SOX6: variants seen among roughly 807,000 people sequenced by gnomAD.
SOX6 encodes the protein SRY-box transcription factor 6.
Under a neutral mutation model 97.8 loss-of-function variants are expected in SOX6, and 11 were observed. That is an observed-to-expected ratio of 0.11 (90% CI 0.07 to 0.19). The LOEUF (loss-of-function observed/expected upper bound fraction) is 0.19. Among genes scored for constraint, SOX6 ranks in the 10% least tolerant of loss-of-function variants. The pLI, the probability that SOX6 is intolerant of heterozygous loss-of-function variation, is 1.00. For synonymous variants in SOX6, 360 were observed against 371.4 expected (o/e 0.97, Z 0.35); for missense variants, 810 against 1,039.5 (o/e 0.78, Z 3.04).
intron 1 of SOX6, among the ~76,000 whole-genome samples, chr11:16,386,394 C>T (rs1487414947): frequency 6.6e-6 from 1 of 151,988 alleles, no homozygotes; most frequent in African/African-American, 2.4e-5. Context: ...AAAATCTAAT[C>T]ATGTCAATAT....
intron 4 of SOX6, among the ~76,000 whole-genome samples, chr11:16,561,380 C>G (rs530791562): frequency 1.3e-5 from 2 of 152,036 alleles, no homozygotes; most frequent in African/African-American, 4.8e-5. Flanking sequence ...CACCCACAAA[C>G]CCAGACACCT....
intron 8 of SOX6, among the ~76,000 whole-genome samples, chr11:16,097,045 C>T (rs915203262): frequency 6.6e-6 from 1 of 151,716 alleles, no homozygotes; most frequent in Non-Finnish European, 1.5e-5. Flanking sequence ...AACACTTTCC[C>T]CCCAAGTTTA....
At chr11:16,559,189 AT>A (rs991701995) in intron 4 of SOX6, among the ~76,000 whole-genome samples, 22 of 152,212 alleles carry the variant, frequency 1.4e-4, no homozygotes, top group African/African-American at 5.3e-4. Flanking sequence ...AGGAAAAAAA[AT>A]CTCCTTTAAT....
rs202214309 is a variant in SOX6 at position 16,123,872 on chromosome 11, T to TA, written c.778-11950dup. ...TCGCTGTTAAAGAAGGTAAGGTCCA[T>TA]ACTCCCTAGCCTAGGCTGCCTCTCC... is the stretch of plus-strand genomic sequence containing the variant. On this transcript the variant is annotated intron_variant, in intron 6 of 15. Transcript: ENST00000683767. 9.8e-3 allele frequency among the ~76,000 whole-genome samples: 1,494 copies of TA among 152,210 alleles called. 9 individuals are homozygous for TA. Among genetic ancestry groups the TA allele is most frequent in the South Asian group, 0.024 (115 of 4,820 alleles).
At chr11:15,983,182 G>A (rs1853723900) in intron 15 of SOX6, among the ~76,000 whole-genome samples, 2 of 151,880 alleles carry the variant, frequency 1.3e-5, no homozygotes, top group Admixed American at 6.6e-5. Context: ...ATATAATAGT[G>A]TGTTATACCC....
chr11:16,550,461 TAATAAAA>T (rs1371723854), intron 4 of SOX6, among the ~76,000 whole-genome samples: 1 of 151,804 alleles, frequency 6.6e-6, no homozygotes, highest in African/African-American at 2.4e-5. Context: ...ACTTAAAGTA[TAATAAAA>T]AATAAAAAAT....
At chr11:16,385,787 A>T (rs982528322) in intron 1 of SOX6, among the ~76,000 whole-genome samples, 1 of 152,180 alleles carries the variant, frequency 6.6e-6, no homozygotes, top group Admixed American at 6.5e-5. Context: ...TGGAAATCCC[A>T]GGCAACTGCC....
At chr11:15,991,376 G>A (rs1854048838) in intron 13 of SOX6, among the ~76,000 whole-genome samples, 1 of 152,138 alleles carries the variant, frequency 6.6e-6, no homozygotes, top group African/African-American at 2.4e-5. Flanking sequence ...GCTGACTGCT[G>A]GGCCAGATGA....
At chr11:16,691,649 T>A (rs1214225459) in intron 3 of SOX6, among the ~76,000 whole-genome samples, 1 of 151,968 alleles carries the variant, frequency 6.6e-6, no homozygotes, top group Non-Finnish European at 1.5e-5. Context: ...ATACAAAAAT[T>A]AGCCAGATGC....
At chr11:16,484,279 C>T in intron 4 of SOX6, 1 of 1,115,112 alleles carries the variant, frequency 9.0e-7, no homozygotes. Flanking sequence ...CACTGGGAAC[C>T]ACATTGCCCG....
chr11:16,539,133 C>G (rs893725371), intron 4 of SOX6, among the ~76,000 whole-genome samples: 4 of 152,182 alleles, frequency 2.6e-5, no homozygotes, highest in Non-Finnish European at 5.9e-5. Flanking sequence ...TCTCTCAGAC[C>G]ACAGTGCAAT....
chr11:16,558,337 T>A lies in SOX6; in HGVS notation n.609+53744A>T, dbSNP rs573287654. Among the ~76,000 whole-genome samples the A allele has an allele frequency of 3.9e-5, 6 of 152,122 alleles. No homozygotes were observed. The East Asian group carries it at 9.6e-4, about 24-fold the overall frequency. On this transcript the variant is annotated intron_variant and non_coding_transcript_variant, in intron 4 of 5. Coordinates refer to the SOX6 transcript ENST00000524520. ...CACCTGGAAATTTTTAAGCCTTCAA[T>A]CTGCTAAATATTCTCCAGAAAGACA...
At chr11:16,414,712 A>G (rs567394396) in intron 1 of SOX6, among the ~76,000 whole-genome samples, 1 of 152,320 alleles carries the variant, frequency 6.6e-6, no homozygotes, top group East Asian at 1.9e-4. Context: ...AGATCACAGA[A>G]GACTACAAGT....
rs190859645 is a variant in SOX6 at position 16,285,536 on chromosome 11, A to G, written c.445+32910T>C. Among the ~76,000 whole-genome samples, 800 of 152,162 alleles carry G rather than the reference A, an allele frequency of 5.3e-3. 10 individuals are homozygous for G. The highest frequency in any genetic ancestry group is 5.5e-3 in the Non-Finnish European group (376 of 68,000). The stretch of plus-strand genomic sequence containing the variant: ...GCAGCAAGAGCGAAACTCCATCCCA[A>G]ATATGTATATATATTTATATATATT... On this transcript the variant is annotated intron_variant, in intron 3 of 15. Coordinates refer to ENST00000683767, the MANE Select transcript of SOX6 (RefSeq NM_001367873.1).
intron 1 of SOX6, among the ~76,000 whole-genome samples, chr11:16,391,513 A>G (rs765541191): frequency 6.6e-6 from 1 of 152,136 alleles, no homozygotes; most frequent in Non-Finnish European, 1.5e-5. Context: ...GGCATATAGT[A>G]GGTACAAATT....
chr11:16,376,663 A>G (rs1857649720), intron 1 of SOX6, among the ~76,000 whole-genome samples: 1 of 152,120 alleles, frequency 6.6e-6, no homozygotes, highest in Non-Finnish European at 1.5e-5. Context: ...CTATAAGGTT[A>G]AAGTAAGAAA....
At chr11:16,293,179 A>G (rs1173512881) in intron 3 of SOX6, among the ~76,000 whole-genome samples, 1 of 152,164 alleles carries the variant, frequency 6.6e-6, no homozygotes, top group Non-Finnish European at 1.5e-5. Context: ...GCAGTTTTTT[A>G]TAGTACAGCC....
At chr11:16,536,467 G>A (rs576722579) in intron 4 of SOX6, among the ~76,000 whole-genome samples, 1 of 152,200 alleles carries the variant, frequency 6.6e-6, no homozygotes, top group Non-Finnish European at 1.5e-5. Flanking sequence ...AGTGGGTGCA[G>A]CCCATGGAGG....
chr11:16,550,145 G>C (rs1389248438), intron 4 of SOX6, among the ~76,000 whole-genome samples: 1 of 152,258 alleles, frequency 6.6e-6, no homozygotes, highest in Admixed American at 6.5e-5. Context: ...CATAAAAAAG[G>C]ATGAGTCCAT....
Sources: allele counts gnomAD v4.1 joint callset (sites outside exome capture counted in the v4.1 genomes callset), GRCh38; gene constraint gnomAD v4.1.1; transcripts MANE v1.5; gene names NCBI Gene and HGNC (gene_info 2026-07-23, HGNC 2026-07-21).